GALNTL6: variants seen among roughly 807,000 people sequenced by gnomAD.
GALNTL6 encodes the protein polypeptide N-acetylgalactosaminyltransferase-like 6.
Under a neutral mutation model 73.7 loss-of-function variants are expected in GALNTL6, and 46 were observed. That is an observed-to-expected ratio of 0.62 (90% confidence interval 0.49 to 0.80). GALNTL6 has a LOEUF of 0.80. GALNTL6 is among the 30% of genes least tolerant of loss of function. The pLI, the probability that GALNTL6 is intolerant of heterozygous loss-of-function variation, is 0.00. For synonymous variants in GALNTL6, 259 were observed against 263.7 expected, an observed-to-expected ratio of 0.98 and a Z score of 0.17; for missense variants, 604 against 755.0, an observed-to-expected ratio of 0.80 and a Z score of 2.34.
At chr4:171,853,012 A>ATTTTT (rs765984611) in intron 2 of GALNTL6, among the ~76,000 whole-genome samples, 2,037 of 86,726 alleles carry the variant, frequency 0.023, 80 homozygotes, top group African/African-American at 0.054. Flanking sequence ...CGCCCGGCTA[A>ATTTTT]TTTTTTTTTT....
At chr4:172,871,759 T>TTTTTTTG (rs1744952683) in intron 7 of GALNTL6, among the ~76,000 whole-genome samples, 1 of 150,438 alleles carries the variant, frequency 6.6e-6, no homozygotes, top group Non-Finnish European at 1.5e-5. Flanking sequence ...TAGCATAGTT[T>TTTTTTTG]TTTGTTTGTT....
intron 2 of GALNTL6, among the ~76,000 whole-genome samples, chr4:171,946,561 A>G (rs898117643): frequency 2.0e-5 from 3 of 152,172 alleles, no homozygotes; most frequent in Non-Finnish European, 4.4e-5. Context: ...AGCCTCATCG[A>G]GCTCGTCTTC....
At chr4:172,249,594 G>A (rs1430323203) in intron 3 of GALNTL6, among the ~76,000 whole-genome samples, 2 of 152,084 alleles carry the variant, frequency 1.3e-5, no homozygotes, top group African/African-American at 4.8e-5. Context: ...TGCTTCCCTG[G>A]ACCAGGCTCA....
chr4:172,377,325 C>T (rs965979589), intron 5 of GALNTL6, among the ~76,000 whole-genome samples: 2 of 152,150 alleles, frequency 1.3e-5, no homozygotes, highest in Non-Finnish European at 2.9e-5. Context: ...CTCCAGGTCC[C>T]CACCAGATTA....
At chr4:172,703,631 A>G (rs2111299119) in intron 5 of GALNTL6, among the ~76,000 whole-genome samples, 1 of 152,116 alleles carries the variant, frequency 6.6e-6, no homozygotes, top group South Asian at 2.1e-4. Context: ...TATCTTTATC[A>G]GGGATATTGG....
chr4:172,697,624 C>T (rs143982624), intron 5 of GALNTL6, among the ~76,000 whole-genome samples: 11 of 152,158 alleles, frequency 7.2e-5, no homozygotes, highest in African/African-American at 1.4e-4. Flanking sequence ...GGAAGGGCTT[C>T]GTCAGAATGT....
intron 5 of GALNTL6, among the ~76,000 whole-genome samples, chr4:172,635,376 G>A (rs1236375506): frequency 1.3e-5 from 2 of 151,966 alleles, no homozygotes; most frequent in East Asian, 1.9e-4. Flanking sequence ...GTAACTTGAA[G>A]GAATTTAAAA....
chr4:172,498,366 T>C (rs1734143209), intron 5 of GALNTL6, among the ~76,000 whole-genome samples: 1 of 152,166 alleles, frequency 6.6e-6, no homozygotes. Context: ...TGTGTTGGCC[T>C]CCAAATATAT....
intron 3 of GALNTL6, among the ~76,000 whole-genome samples, chr4:172,310,941 A>T (rs560815367): frequency 6.6e-6 from 1 of 152,132 alleles, no homozygotes; most frequent in Non-Finnish European, 1.5e-5. Context: ...ATGCTTGAAC[A>T]ATCATTTCAC....
intron 2 of GALNTL6, among the ~76,000 whole-genome samples, chr4:171,908,146 G>C (rs1276212732): frequency 1.2e-4 from 18 of 152,048 alleles, no homozygotes; most frequent in Admixed American, 2.0e-4. Context: ...CTGACAAATG[G>C]GATCTAATTA....
At chr4:172,524,157 CTT>C (rs1206638454) in intron 5 of GALNTL6, among the ~76,000 whole-genome samples, 2 of 152,096 alleles carry the variant, frequency 1.3e-5, no homozygotes. Flanking sequence ...TCTGTGGACA[CTT>C]TTGCTCAGCA....
rs115295176 is a variant in GALNTL6, at chr4:172,202,157, C to G, written c.139-27499C>G. ...GTTGTGCTTCCTATACTCACAGTTC[C>G]TCAAAGCATAATTGTAACGAGACTG... On this transcript the variant is annotated intron_variant, in intron 2 of 12. Transcript: ENST00000506823. Among the ~76,000 whole-genome samples the G allele has an allele frequency of 3.0e-3, 458 of 152,288 alleles. 2 individuals carry two copies. Among genetic ancestry groups the G allele is most frequent in the African/African-American group, 0.011 (445 of 41,564 alleles).
At chr4:171,853,012 A>ATTCTTTTTTTTTTTTT (rs1553964539) in intron 2 of GALNTL6, among the ~76,000 whole-genome samples, 1 of 86,870 alleles carries the variant, frequency 1.2e-5, no homozygotes. Context: ...CGCCCGGCTA[A>ATTCTTTTTTTTTTTTT]TTTTTTTTTT....
intron 5 of GALNTL6, among the ~76,000 whole-genome samples, chr4:172,606,134 G>A (rs549980007): frequency 1.3e-5 from 2 of 152,266 alleles, no homozygotes; most frequent in African/African-American, 4.8e-5. Context: ...ACCAGATTGT[G>A]AAGAGCCTTG....
rs1409330158 is a variant in GALNTL6, at chr4:172,647,734, AT to A, written c.554-161626del. 4.6e-5 allele frequency among the ~76,000 whole-genome samples: 7 copies of A among 152,116 alleles called. No individual in the cohort carries two copies. The East Asian group carries it at 1.4e-3, about 29-fold the overall frequency. ...TAAAAAAGTTATCCCAAATTGACTG[AT>A]GAAAAATCTTCAATCATTTCTCCCT... On this transcript the variant is annotated intron_variant, in intron 5 of 12. Coordinates refer to ENST00000506823, the MANE Select transcript of GALNTL6 (RefSeq NM_001034845.3).
At chr4:172,054,494 G>T (rs184956856) in intron 2 of GALNTL6, among the ~76,000 whole-genome samples, 199 of 152,182 alleles carry the variant, frequency 1.3e-3, no homozygotes, top group African/African-American at 4.6e-3. Flanking sequence ...TAAGATCAAG[G>T]CTTCCAGCAG....
intron 8 of GALNTL6, among the ~76,000 whole-genome samples, chr4:172,907,978 A>T (rs1402650204): frequency 6.6e-6 from 1 of 152,162 alleles, no homozygotes; most frequent in Admixed American, 6.5e-5. Flanking sequence ...GGCCATTATT[A>T]ATCAAAATAT....
At chr4:173,032,179 G>C (rs1753488051) in intron 12 of GALNTL6, among the ~76,000 whole-genome samples, 1 of 152,244 alleles carries the variant, frequency 6.6e-6, no homozygotes, top group African/African-American at 2.4e-5. Flanking sequence ...GCTGGGCGCT[G>C]TGGCTCACGC....
intron 5 of GALNTL6, among the ~76,000 whole-genome samples, chr4:172,368,745 G>C (rs918325020): frequency 7.0e-6 from 1 of 142,756 alleles, no homozygotes; most frequent in Non-Finnish European, 1.5e-5. Flanking sequence ...CTTCCCTCTG[G>C]TGGGTTCTTG....
Sources: gnomAD v4.1 joint callset for allele counts (sites outside exome capture counted in the v4.1 genomes callset) on GRCh38, gnomAD v4.1.1 for gene constraint, MANE v1.5 for transcripts, NCBI Gene and HGNC (gene_info 2026-07-23, HGNC 2026-07-21) for gene names.